The following NEXMIF variants were observed in gnomAD, a reference collection of about 807,000 sequenced individuals.
NEXMIF encodes neurite extension and migration factor, also known as XLMR protein related to neurite extension.
NEXMIF carries 8 observed loss-of-function variants against 62.1 expected under a neutral mutation model. The observed-to-expected ratio is 0.13, with a 90% CI of 0.08 to 0.23. NEXMIF has a LOEUF of 0.23. NEXMIF is among the 10% of genes least tolerant of loss of function. The pLI is 1.00. For missense variants in NEXMIF, 976 were observed against 1,113.3 expected, an observed-to-expected ratio of 0.88 and a Z score of 1.75; for synonymous variants, 404 against 416.6, an observed-to-expected ratio of 0.97 and a Z score of 0.37.
chrX:74,796,527 G>C (rs1004188597), intron 1 of NEXMIF, among the ~76,000 whole-genome samples: 2 of 106,996 alleles, frequency 1.9e-5, no homozygotes, highest in African/African-American at 3.4e-5. Flanking sequence ...TCTAGGGCTA[G>C]GTCAGGGAAA....
intron 1 of NEXMIF, among the ~76,000 whole-genome samples, chrX:74,797,447 TG>T (rs1474198628): frequency 8.9e-6 from 1 of 112,103 alleles, no homozygotes; most frequent in African/African-American, 3.2e-5. Context: ...GTACTAGCTT[TG>T]CAACTTTTCT....
rs202207238 is a variant in NEXMIF at position 74,741,171 on chromosome X, A to C, written c.3386T>G (p.Phe1129Cys). ...LSRQVQMEDG[F>C]TLNNHQFQFH... ...CTGAAACTGGTGATTATTTAAAGTA[A>C]ATCCATCCTCCATTTGGACCTGCCG... The change falls in exon 3 of 4, where the codon TTT becomes TGT. Residue 1129 changes from phenylalanine (F) to cysteine (C), a missense_variant. By Grantham distance (205) the Phe-to-Cys change is radical. Coordinates refer to ENST00000055682, the MANE Select transcript of NEXMIF (RefSeq NM_001008537.3). 95 of 1,209,068 alleles carry C rather than the reference A, an allele frequency of 7.9e-5. 1 individual carries two copies. The highest frequency in any genetic ancestry group is 1.9e-5 in the Non-Finnish European group (17 of 894,835).
At position 74,734,259 on chromosome X, in the gene NEXMIF, T is replaced by C. The variant is rs969425916; in HGVS notation, c.*5146A>G. On this transcript the variant is annotated 3_prime_UTR_variant, in exon 4 of 4. Coordinates refer to ENST00000055682, the MANE Select transcript of NEXMIF (RefSeq NM_001008537.3). ...AGAAGAAAAAAATGGGAATAATCAT[T>C]TTCTTTAGCACCATAAATCAGCAAC... The C allele has an allele frequency of 8.9e-6, 1 of 111,993 alleles. No individual in the cohort carries two copies. The highest frequency in any genetic ancestry group is 1.9e-5 in the Non-Finnish European group (1 of 53,131). 9.2% of individuals were successfully genotyped at this position (111,993 alleles called of 1,213,427 possible). A position where few individuals can be genotyped will look rare whatever the true frequency, so the allele number is the denominator to read the frequency against.
At chrX:74,884,621 T>A (rs192187070) in intron 1 of NEXMIF, among the ~76,000 whole-genome samples, 1 of 111,748 alleles carries the variant, frequency 8.9e-6, no homozygotes, top group African/African-American at 3.3e-5. Flanking sequence ...ATGCGCACAA[T>A]ACAGGAGCAC....
intron 1 of NEXMIF, among the ~76,000 whole-genome samples, chrX:74,838,991 T>G (rs2080465786): frequency 8.9e-6 from 1 of 111,901 alleles, no homozygotes; most frequent in African/African-American, 3.2e-5. Context: ...AGGAGTGCTG[T>G]CAATTGTCAG....
At chrX:74,773,509 T>C (rs2080217408) in intron 1 of NEXMIF, among the ~76,000 whole-genome samples, 1 of 111,046 alleles carries the variant, frequency 9.0e-6, no homozygotes, top group Non-Finnish European at 1.9e-5. Context: ...GGTGGGGCCA[T>C]CAAGGTGGAC....
chrX:74,733,285 C>T lies in NEXMIF; in HGVS notation c.*6120G>A, dbSNP rs936004162. 1 of 111,984 alleles carries T rather than the reference C, an allele frequency of 8.9e-6. No individual in the cohort carries two copies. The highest frequency in any genetic ancestry group is 3.2e-5 in the African/African-American group (1 of 30,818). The allele number at this position is 111,984 out of a possible 1,213,427, so 9.2% of individuals were successfully genotyped here. ...AACAGGGTACCAACTTTTTGCAATT[C>T]GTTTCTTTCCCCTTATGTTATGTTT... is the stretch of plus-strand genomic sequence containing the variant. On this transcript the variant is annotated 3_prime_UTR_variant, in exon 4 of 4. Transcript: ENST00000055682.
chrX:74,815,999 A>C (rs893580323), intron 1 of NEXMIF, among the ~76,000 whole-genome samples: 5 of 111,250 alleles, frequency 4.5e-5, no homozygotes, highest in Non-Finnish European at 7.5e-5. Context: ...TTTCCCCCAT[A>C]TGACACTATT....
intron 1 of NEXMIF, among the ~76,000 whole-genome samples, chrX:74,860,286 T>C (rs926481332): frequency 1.8e-5 from 2 of 111,678 alleles, no homozygotes; most frequent in Non-Finnish European, 3.8e-5. Flanking sequence ...AGGAAAGAAA[T>C]AGACTCCAAT....
chrX:74,898,158 A>G (rs1383916907), intron 1 of NEXMIF, among the ~76,000 whole-genome samples: 1 of 111,895 alleles, frequency 8.9e-6, no homozygotes, highest in African/African-American at 3.2e-5. Flanking sequence ...ATGTAACTTT[A>G]CCCTGGAGAA....
chrX:74,792,668 G>A, intron 1 of NEXMIF, among the ~76,000 whole-genome samples: 1 of 73,095 alleles, frequency 1.4e-5, no homozygotes, highest in African/African-American at 5.2e-5. Flanking sequence ...CCTGTATTGG[G>A]TGCATATATA....
chrX:74,899,129 A>G (rs1185285391), intron 1 of NEXMIF, among the ~76,000 whole-genome samples: 2 of 111,707 alleles, frequency 1.8e-5, no homozygotes, highest in Non-Finnish European at 3.8e-5. Context: ...ATACTCATCA[A>G]TGAAAAGCTG....
intron 1 of NEXMIF, among the ~76,000 whole-genome samples, chrX:74,892,247 A>G (rs899031990): frequency 1.8e-5 from 2 of 112,315 alleles, no homozygotes; most frequent in African/African-American, 6.5e-5. Context: ...AAAGAAATCA[A>G]TTTCTCTTTA....
At chrX:74,895,449 G>GA (rs1219684495) in intron 1 of NEXMIF, among the ~76,000 whole-genome samples, 4 of 111,515 alleles carry the variant, frequency 3.6e-5, no homozygotes, top group South Asian at 7.4e-4. Flanking sequence ...CACAGAAATA[G>GA]AAAAAAATCC....
chrX:74,913,301 G>A (rs1256433615), intron 1 of NEXMIF, among the ~76,000 whole-genome samples: 1 of 111,961 alleles, frequency 8.9e-6, no homozygotes, highest in Admixed American at 9.5e-5. Context: ...GAATGAAGAA[G>A]ATGGAGAAAA....
chrX:74,814,159 C>T (rs150191676), intron 1 of NEXMIF, among the ~76,000 whole-genome samples: 328 of 111,419 alleles, frequency 2.9e-3, no homozygotes, highest in African/African-American at 9.8e-3. Flanking sequence ...AACAAGTTGC[C>T]GAGGTAGGAA....
chrX:74,846,779 C>A (rs2080493252), intron 1 of NEXMIF, among the ~76,000 whole-genome samples: 1 of 112,038 alleles, frequency 8.9e-6, no homozygotes, highest in South Asian at 3.7e-4. Context: ...ATACCCATAT[C>A]TTGTATCATT....
At chrX:74,879,901 A>G (rs1232579345) in intron 1 of NEXMIF, among the ~76,000 whole-genome samples, 2 of 112,209 alleles carry the variant, frequency 1.8e-5, no homozygotes, top group Non-Finnish European at 1.9e-5. Context: ...GCTTGGGATT[A>G]TTTGTACTAC....
chrX:74,903,883 G>A (rs1378881744), intron 1 of NEXMIF, among the ~76,000 whole-genome samples: 1 of 12,920 alleles, frequency 7.7e-5, no homozygotes. Flanking sequence ...TTCTAATCGT[G>A]TGTGTGTGTG....
Sources: allele counts gnomAD v4.1 joint callset (sites outside exome capture counted in the v4.1 genomes callset), GRCh38; gene constraint gnomAD v4.1.1; transcripts MANE v1.5; gene names NCBI Gene and HGNC (gene_info 2026-07-23, HGNC 2026-07-21).